HYAL4: variants seen among roughly 807,000 people sequenced by gnomAD.
HYAL4 encodes hyaluronidase 4.
Under a neutral mutation model 35.2 loss-of-function variants are expected in HYAL4, and 37 were observed. That is an observed-to-expected ratio of 1.05 (90% CI 0.81 to 1.38). The LOEUF is 1.38. Among genes scored for constraint, HYAL4 ranks in the 40% most tolerant of loss-of-function variants. HYAL4 has a pLI of 0.00. For missense variants in HYAL4, 572 were observed against 572.4 expected, an observed-to-expected ratio of 1.00 and a Z score of 0.01; for synonymous variants, 198 against 203.2, an observed-to-expected ratio of 0.97 and a Z score of 0.22.
intron 1 of HYAL4, among the ~76,000 whole-genome samples, chr7:123,831,422 G>C (rs1473831474): frequency 1.3e-5 from 2 of 152,176 alleles, no homozygotes; most frequent in South Asian, 4.1e-4. Context: ...TTTGATATTT[G>C]TTTTAATTTC....
At chr7:123,820,772 C>T in the HYAL4 span, among the ~76,000 whole-genome samples, 1 of 152,116 alleles carries the variant, frequency 6.6e-6, no homozygotes, top group African/African-American at 2.4e-5. Flanking sequence ...TCTAGCATAA[C>T]TGAAACGTTA....
chr7:123,840,213 AG>A (rs1240814108), upstream of HYAL4, among the ~76,000 whole-genome samples: 1 of 152,198 alleles, frequency 6.6e-6, no homozygotes, highest in Non-Finnish European at 1.5e-5. Flanking sequence ...ATGGCTAGCC[AG>A]TTTTCCCAGC....
chr7:123,848,318 G>A (rs1806219852), intron 2 of HYAL4, among the ~76,000 whole-genome samples, 160 bp downstream of exon 2: 1 of 152,134 alleles, frequency 6.6e-6, no homozygotes, highest in South Asian at 2.1e-4. Flanking sequence ...TGAAATATGA[G>A]TTTGTTTTTA....
chr7:123,799,062 G>A, the HYAL4 span, among the ~76,000 whole-genome samples: 4 of 152,162 alleles, frequency 2.6e-5, no homozygotes. Context: ...AATCATACAA[G>A]CAGGGAAACT....
At chr7:123,876,643 G>A (rs1259916118) in intron 4 of HYAL4, 111 bp from the exon 5 acceptor site, 2 of 1,147,118 alleles carry the variant, frequency 1.7e-6, no homozygotes, top group African/African-American at 1.6e-5. Context: ...CCAAAGAACT[G>A]TGCTAGAAGC....
intron 3 of HYAL4, among the ~76,000 whole-genome samples, chr7:123,869,557 G>A (rs543739562): frequency 3.9e-5 from 6 of 152,290 alleles, no homozygotes; most frequent in African/African-American, 9.6e-5. Context: ...GATCGGCAGT[G>A]AGCAGGTTAG....
intron 1 of HYAL4, among the ~76,000 whole-genome samples, chr7:123,838,978 A>C (rs930619578): frequency 6.7e-6 from 1 of 148,174 alleles, no homozygotes; most frequent in Admixed American, 6.7e-5. Flanking sequence ...TTGAAGTTTC[A>C]ATAGTTTTTT....
chr7:123,804,346 CT>C, the HYAL4 span, among the ~76,000 whole-genome samples: 663 of 152,264 alleles, frequency 4.4e-3, 7 homozygotes, highest in African/African-American at 0.015. Context: ...GCCTTTTGCC[CT>C]GATTGTCCTC....
the HYAL4 span, among the ~76,000 whole-genome samples, chr7:123,795,768 T>C: frequency 1.3e-5 from 2 of 152,192 alleles, no homozygotes; most frequent in Non-Finnish European, 1.5e-5. Context: ...CAGACTAATA[T>C]ACTATCAATG....
intron 2 of HYAL4, among the ~76,000 whole-genome samples, chr7:123,853,500 C>T (rs1806360696): frequency 1.3e-5 from 2 of 152,130 alleles, no homozygotes; most frequent in African/African-American, 4.8e-5. Context: ...TGGTTTTTGT[C>T]ATTGGTTCTG....
At chr7:123,782,863 G>C in the HYAL4 span, among the ~76,000 whole-genome samples, 1 of 151,596 alleles carries the variant, frequency 6.6e-6, no homozygotes, top group Non-Finnish European at 1.5e-5. Flanking sequence ...CTTTTTTCCT[G>C]TGACACATAT....
chr7:123,827,700 C>A (rs931328818), upstream of HYAL4, among the ~76,000 whole-genome samples: 1 of 152,142 alleles, frequency 6.6e-6, no homozygotes, highest in South Asian at 2.1e-4. Flanking sequence ...GTTCAACTAC[C>A]TGTCAATTAA....
chr7:123,840,258 G>T (rs1806031771), upstream of HYAL4, among the ~76,000 whole-genome samples: 3 of 152,116 alleles, frequency 2.0e-5, no homozygotes, highest in South Asian at 2.1e-4. Context: ...TTTCCCCATT[G>T]CTTGTTTTTG....
At chr7:123,815,544 G>A in the HYAL4 span, among the ~76,000 whole-genome samples, 6 of 152,256 alleles carry the variant, frequency 3.9e-5, no homozygotes, top group African/African-American at 1.4e-4. Context: ...CAATCTAGTG[G>A]TTATTGTCAA....
chr7:123,765,464 G>A, the HYAL4 span, among the ~76,000 whole-genome samples: 1 of 152,020 alleles, frequency 6.6e-6, no homozygotes, highest in Non-Finnish European at 1.5e-5. Flanking sequence ...TCAGTTCTAT[G>A]GGAAATGTGG....
In HYAL4 at chr7:123,868,235, G is replaced by C; in HGVS notation, c.-39G>C. 4 of 1,157,836 alleles carry C rather than the reference G, an allele frequency of 3.5e-6. No individual in the cohort carries two copies. Among genetic ancestry groups the C allele is most frequent in the Non-Finnish European group, 4.9e-6 (4 of 824,426 alleles). The allele number at this position is 1,157,836 out of a possible 1,614,324, so 71.7% of individuals were successfully genotyped here. The stretch of plus-strand genomic sequence containing the variant: ...AATCTCTCCACAGGTCTTCTAGAGT[G>C]CACTAAAGCAGAAGATAACGTAACA... On this transcript the variant is annotated 5_prime_UTR_variant, in exon 3 of 5. Transcript: ENST00000223026.
the HYAL4 span, among the ~76,000 whole-genome samples, chr7:123,793,134 A>C: frequency 6.6e-6 from 1 of 152,172 alleles, no homozygotes; most frequent in African/African-American, 2.4e-5. Flanking sequence ...GATGGTCAAG[A>C]AGCTTTGGAA....
At chr7:123,858,349 A>G (rs1204596580) in intron 2 of HYAL4, among the ~76,000 whole-genome samples, 1 of 152,166 alleles carries the variant, frequency 6.6e-6, no homozygotes, top group Non-Finnish European at 1.5e-5. Context: ...AGTTTAACGA[A>G]GATTGACAGA....
the HYAL4 span, among the ~76,000 whole-genome samples, chr7:123,786,433 A>G: frequency 2.5e-4 from 38 of 152,278 alleles, no homozygotes; most frequent in South Asian, 4.1e-4. Flanking sequence ...TGAAAAATCA[A>G]TTCATCTATG....
Sources: gnomAD v4.1 joint callset for allele counts (sites outside exome capture counted in the v4.1 genomes callset) on GRCh38, gnomAD v4.1.1 for gene constraint, MANE v1.5 for transcripts, NCBI Gene and HGNC (gene_info 2026-07-23, HGNC 2026-07-21) for gene names.